MTF1: variants seen among roughly 807,000 people sequenced by gnomAD.
The protein encoded by MTF1 is MRE-binding transcription factor.
MTF1 carries 22 observed loss-of-function variants against 70.4 expected under a neutral mutation model. The observed-to-expected ratio is 0.31, with a 90% CI of 0.22 to 0.45. The LOEUF is 0.45. MTF1 is among the 20% of genes least tolerant of loss of function. The probability of loss-of-function intolerance (pLI) is 1.00; values close to 1 mark genes in which losing one functional copy is unlikely to be tolerated. For synonymous variants in MTF1, 333 were observed against 352.8 expected, an observed-to-expected ratio of 0.94 and a Z score of 0.63; for missense variants, 649 against 922.0, an observed-to-expected ratio of 0.70 and a Z score of 3.83.
intron 10 of MTF1, 144 bp downstream of exon 10, chr1:37,817,275 T>C (rs973175683): frequency 2.9e-6 from 2 of 688,846 alleles, no homozygotes; most frequent in African/African-American, 1.8e-5. Flanking sequence ...TGAAATACTC[T>C]AGCCAACAAT....
chr1:37,817,458 C>G lies in MTF1; in HGVS notation c.1792G>C (p.Val598Leu), dbSNP rs780243806. 2 of 1,612,648 alleles carry G rather than the reference C, an allele frequency of 1.2e-6. No individual in the cohort carries two copies. The highest frequency in any genetic ancestry group is 3.3e-5 in the Admixed American group (2 of 59,998). ...QIQQASKVEKVFFTTAVPVAS... is the reference protein window; with the variant it reads ...QIQQASKVEKLFFTTAVPVAS... Reference sequence around the variant, plus strand: ...ACTGGTACTGCAGTGGTAAAAAACACCTTCTCAACTTTAGATGCTTGCTGC... The same window carrying G: ...ACTGGTACTGCAGTGGTAAAAAACAGCTTCTCAACTTTAGATGCTTGCTGC... Residue 598 changes from valine (V) to leucine (L), a missense_variant, in exon 10 of 11, where the codon GTG becomes CTG. Around this residue, in one of 7 missense-constraint regions of MTF1, gnomAD observed 39 missense variants for 97.8 expected, o/e 0.40. Transcript: ENST00000373036.
At chr1:37,838,883 C>A in intron 3 of MTF1, 127 bp from the exon 4 acceptor site, 1 of 654,828 alleles carries the variant, frequency 1.5e-6, no homozygotes, top group Non-Finnish European at 2.2e-6. Context: ...CGGCTCACTG[C>A]AACCTCCTCC....
In MTF1 at chr1:37,822,645, C is replaced by G. The variant is rs1381374453; in HGVS notation, c.1243G>C (p.Ala415Pro). 6.2e-7 allele frequency: 1 copy of G among 1,613,930 alleles called. No homozygotes were observed. The highest frequency in any genetic ancestry group is 8.5e-7 in the Non-Finnish European group (1 of 1,180,002). The change falls in exon 9 of 11, where the codon GCA (alanine) becomes CCA (proline). Residue 415 changes from alanine (A) to proline (P), a missense_variant. By Grantham distance (27) the Ala-to-Pro change is conservative. Transcript: ENST00000373036. ...AGTACAAGTGGAAGAGATAAAGATG[C>G]TGAATTTCCTGTGGATGGCGGAACA... is the stretch of plus-strand genomic sequence containing the variant. ...SDVPPSTGNSASLSLPLVLQP... is the reference protein window; with the variant it reads ...SDVPPSTGNSPSLSLPLVLQP...
At position 37,859,577 on chromosome 1, in the gene MTF1, C is replaced by G. The variant is rs1641572971; in HGVS notation, c.-98G>C. On this transcript the variant is annotated 5_prime_UTR_variant, in exon 1 of 11. Transcript: ENST00000373036. Reference sequence around the variant, plus strand: ...CGGCAGCAGCAGCTTCTCCCCTCCCCAGCGGCACCATGATTGCCCCCACCT... The same window carrying G: ...CGGCAGCAGCAGCTTCTCCCCTCCCGAGCGGCACCATGATTGCCCCCACCT... 2.5e-6 allele frequency: 1 copy of G among 399,050 alleles called. No individual in the cohort carries two copies. Among genetic ancestry groups the G allele is most frequent in the Admixed American group, 4.4e-5 (1 of 22,740 alleles). 24.7% of individuals were successfully genotyped at this position (399,050 alleles called of 1,614,324 possible). A position where few individuals can be genotyped will look rare whatever the true frequency, so the allele number is the denominator to read the frequency against.
intron 2 of MTF1, among the ~76,000 whole-genome samples, chr1:37,844,421 C>T (rs1048657027): frequency 1.3e-5 from 2 of 152,196 alleles, no homozygotes; most frequent in Non-Finnish European, 2.9e-5. Flanking sequence ...CATGACAGTG[C>T]CCTTCTCTAA....
chr1:37,812,255 G>A lies in MTF1; in HGVS notation c.*2881C>T, dbSNP rs184827883. 2 of 152,350 alleles carry A rather than the reference G, an allele frequency of 1.3e-5. No homozygotes were observed. The highest frequency in any genetic ancestry group is 4.8e-5 in the African/African-American group (2 of 41,576). 9.4% of individuals were successfully genotyped at this position (152,350 alleles called of 1,614,324 possible). On this transcript the variant is annotated 3_prime_UTR_variant, in exon 11 of 11. Coordinates refer to ENST00000373036, the MANE Select transcript of MTF1 (RefSeq NM_005955.3). Reference sequence around the variant, plus strand: ...GTTCTTTCTGGCTCCAGCTTAGCTAGGGGCCCTCTCTTCTCCAAGGTCCTC... The same window carrying A: ...GTTCTTTCTGGCTCCAGCTTAGCTAAGGGCCCTCTCTTCTCCAAGGTCCTC...
In MTF1 at chr1:37,835,228, C is replaced by T. The variant is rs745327520; in HGVS notation, c.854-13G>A. The T allele has an allele frequency of 1.2e-6, 2 of 1,611,020 alleles. No individual in the cohort carries two copies. The highest frequency in any genetic ancestry group is 2.2e-5 in the South Asian group (2 of 90,980). Reference sequence around the variant, plus strand: ...AAGGGTCTTTCACCTGCAAGAATAACAAAGTAGTGTTAATTTACCATAAAG... The same window carrying T: ...AAGGGTCTTTCACCTGCAAGAATAATAAAGTAGTGTTAATTTACCATAAAG... On this transcript the variant is annotated splice_polypyrimidine_tract_variant and intron_variant, in intron 5 of 10. Coordinates refer to ENST00000373036, the MANE Select transcript of MTF1 (RefSeq NM_005955.3).
chr1:37,834,643 T>A, intron 6 of MTF1: 1 of 457,066 alleles, frequency 2.2e-6, no homozygotes, highest in Non-Finnish European at 4.4e-6. Context: ...AACAGGTTAT[T>A]GCAATAATCC....
chr1:37,858,475 C>T (rs1341837203), intron 1 of MTF1: 4 of 152,144 alleles, frequency 2.6e-5, no homozygotes, highest in African/African-American at 9.7e-5. Context: ...AGTATGAATT[C>T]CTTCCCCCCT....
rs368870387 is a variant in MTF1 at position 37,821,293 on chromosome 1, A to G, written c.1767+828T>C. ...AATCTAAAAATAATGTACGTAGGTA[A>G]TAACTGACACATTGCAGATCCTCAA... On this transcript the variant is annotated intron_variant, in intron 9 of 10. Transcript: ENST00000373036. 1.7e-3 allele frequency among the ~76,000 whole-genome samples: 263 copies of G among 152,272 alleles called. 6 individuals carry two copies. The South Asian group carries it at 0.051, about 30-fold the overall frequency.
chr1:37,835,179 T>G lies in MTF1; in HGVS notation c.890A>C (p.Glu297Ala), dbSNP rs74537935. The G allele has an allele frequency of 6.2e-7, 1 of 1,613,684 alleles. No individual in the cohort carries two copies. Among genetic ancestry groups the G allele is most frequent in the Admixed American group, 1.7e-5 (1 of 59,998 alleles). The stretch of plus-strand genomic sequence containing the variant: ...ACTGTATTGAGTGCTGAATGTTTTC[T>G]CACAGCCATTACTGGGGCAGAAGAA... ...RPFFCPSNGC[E>A]KTFSTQYSLK... The change falls in exon 6 of 11, where the codon GAG (glutamate) becomes GCG (alanine). Residue 297 changes from glutamate (E) to alanine (A), a missense_variant. By Grantham distance (107) the Glu-to-Ala change is moderately radical (BLOSUM62 -1). Transcript: ENST00000373036.
intron 1 of MTF1, among the ~76,000 whole-genome samples, chr1:37,858,797 A>G (rs978769841): frequency 6.6e-6 from 1 of 152,224 alleles, no homozygotes; most frequent in Non-Finnish European, 1.5e-5. Flanking sequence ...GAAAAATACC[A>G]CATTTGAAGC....
rs1640697073 is a variant in MTF1 at position 37,810,392 on chromosome 1, A to C, written c.*4744T>G. The C allele has an allele frequency of 6.6e-6, 1 of 152,280 alleles. No homozygotes were observed. Among genetic ancestry groups the C allele is most frequent in the South Asian group, 2.1e-4 (1 of 4,836 alleles). The allele number at this position is 152,280 out of a possible 1,614,324, so 9.4% of individuals were successfully genotyped here. ...GTTTTAAACCTCAATTCCAGTAAAA[A>C]AGCTTGTACTATGTACACATTGACA... On this transcript the variant is annotated 3_prime_UTR_variant, in exon 11 of 11. Coordinates refer to ENST00000373036, the MANE Select transcript of MTF1 (RefSeq NM_005955.3).
In MTF1 at chr1:37,815,707, G is replaced by C; in HGVS notation, c.1832-141C>G. 1 of 601,792 alleles carries C rather than the reference G, an allele frequency of 1.7e-6. No homozygotes were observed. Among genetic ancestry groups the C allele is most frequent in the Non-Finnish European group, 2.8e-6 (1 of 357,976 alleles). 37.3% of individuals were successfully genotyped at this position (601,792 alleles called of 1,614,324 possible). On this transcript the variant is annotated intron_variant, in intron 10 of 10. Transcript: ENST00000373036. The surrounding 1 kb of genome is among the most constrained non-coding windows in gnomAD (Gnocchi z 4.5). ...GTTGCCACACTTCGGGCTTCGTTCT[G>C]CTTTAAATTGGACCACATGCCCTCT...
chr1:37,815,083 C>G lies in MTF1; in HGVS notation c.*53G>C. ...CTGACCCATGATGGCAGGCATTGTA[C>G]CTCATGCCTCCTGCTCACCCGCTTT... is the stretch of plus-strand genomic sequence containing the variant. On this transcript the variant is annotated 3_prime_UTR_variant, in exon 11 of 11. Transcript: ENST00000373036. The surrounding 1 kb of genome is among the most constrained non-coding windows in gnomAD (Gnocchi z 4.5). The G allele has an allele frequency of 6.8e-7, 1 of 1,469,394 alleles. No homozygotes were observed. Among genetic ancestry groups the G allele is most frequent in the Non-Finnish European group, 9.4e-7 (1 of 1,060,772 alleles). 91.0% of individuals were successfully genotyped at this position (1,469,394 alleles called of 1,614,324 possible).
At chr1:37,848,998 A>C (rs1459299354) in intron 2 of MTF1, among the ~76,000 whole-genome samples, 1 of 152,210 alleles carries the variant, frequency 6.6e-6, no homozygotes, top group Non-Finnish European at 1.5e-5. Flanking sequence ...AAAGGCTCCA[A>C]AACACTGGAG....
chr1:37,844,035 T>C (rs1247664719), intron 2 of MTF1, among the ~76,000 whole-genome samples: 2 of 152,252 alleles, frequency 1.3e-5, no homozygotes, highest in African/African-American at 2.4e-5. Context: ...GGCATTCTTC[T>C]CACGTCTCAG....
intron 4 of MTF1, 54 bp from the exon 5 acceptor site, chr1:37,835,798 C>T (rs1252243048): frequency 2.8e-6 from 4 of 1,454,008 alleles, no homozygotes; most frequent in African/African-American, 1.4e-5. Context: ...GATCTTTATC[C>T]TGAACGTCTT....
intron 7 of MTF1, among the ~76,000 whole-genome samples, chr1:37,829,075 T>C (rs939703775): frequency 6.6e-6 from 1 of 152,172 alleles, no homozygotes. Flanking sequence ...CATTATCTCA[T>C]ATAAATTTAC....
Sources: gnomAD v4.1 joint callset for allele counts (sites outside exome capture counted in the v4.1 genomes callset) on GRCh38, gnomAD v4.1.1 for gene constraint, gnomAD v4.1.1 regional missense constraint, Gnocchi (gnomAD v3.1) non-coding constraint, MANE v1.5 for transcripts, NCBI Gene and HGNC (gene_info 2026-07-23, HGNC 2026-07-21) for gene names.